C1GALT1: variants seen among roughly 807,000 people sequenced by gnomAD.
The protein encoded by C1GALT1 is core 1 synthase, glycoprotein-N-acetylgalactosamine 3-beta-galactosyltransferase 1.
C1GALT1 carries 11 observed loss-of-function variants against 31.0 expected under a neutral mutation model. The ratio of observed to expected loss-of-function variants is 0.36; its 90% CI spans 0.22 to 0.59. C1GALT1 has a LOEUF of 0.59. C1GALT1 is among the 20% of genes least tolerant of loss of function. The pLI is 0.79. For synonymous variants in C1GALT1, 175 were observed against 143.6 expected (o/e 1.22, Z -1.56); for missense variants, 424 against 425.2 (o/e 1.00, Z 0.03).
At chr7:7,224,967 C>T (rs1311196294) in intron 1 of C1GALT1, among the ~76,000 whole-genome samples, 2 of 152,258 alleles carry the variant, frequency 1.3e-5, no homozygotes, top group African/African-American at 4.8e-5. Flanking sequence ...CCTCTTCCCT[C>T]CCTCCAGTCT....
chr7:7,164,776 T>C (rs1046506140), intron 2 of C1GALT1, among the ~76,000 whole-genome samples: 1 of 152,136 alleles, frequency 6.6e-6, no homozygotes, highest in Admixed American at 6.6e-5. Context: ...TTAAGTTGTT[T>C]GCACCTGAGG....
intron 1 of C1GALT1, among the ~76,000 whole-genome samples, chr7:7,218,964 GCTGGGAC>G (rs2128241607): frequency 6.6e-6 from 1 of 151,988 alleles, no homozygotes; most frequent in East Asian, 1.9e-4. Context: ...CTCCTGAGTA[GCTGGGAC>G]TACAGGCGCC....
At chr7:7,243,502 C>G in intron 3 of C1GALT1, 22 bp from the exon 4 acceptor site, 1 of 1,557,414 alleles carries the variant, frequency 6.4e-7, no homozygotes, top group East Asian at 2.3e-5. Context: ...ATTAACAATA[C>G]CTGTTTCCAC....
intron 1 of C1GALT1, among the ~76,000 whole-genome samples, chr7:7,218,811 G>A (rs1472447970): frequency 1.3e-5 from 2 of 151,826 alleles, no homozygotes; most frequent in African/African-American, 4.8e-5. Flanking sequence ...AAATCAAATT[G>A]GTATACATCT....
intron 3 of C1GALT1, among the ~76,000 whole-genome samples, chr7:7,239,713 A>G (rs1427669544): frequency 1.3e-5 from 2 of 151,596 alleles, no homozygotes; most frequent in Non-Finnish European, 2.9e-5. Context: ...AGTAGTACAA[A>G]TATTTCAGAA....
intron 1 of C1GALT1, among the ~76,000 whole-genome samples, chr7:7,217,920 G>T (rs1038934931): frequency 5.3e-5 from 8 of 152,104 alleles, no homozygotes; most frequent in African/African-American, 1.9e-4. Flanking sequence ...CCTCCCTGCC[G>T]CAAAAAGCTA....
intron 2 of C1GALT1, among the ~76,000 whole-genome samples, chr7:7,172,488 ATATT>A (rs1172437194): frequency 6.6e-6 from 1 of 152,150 alleles, no homozygotes; most frequent in African/African-American, 2.4e-5. Context: ...GTAGGTTACT[ATATT>A]TAATAAAATT....
At chr7:7,186,624 T>C (rs1043084091) in intron 1 of C1GALT1, among the ~76,000 whole-genome samples, 2 of 152,180 alleles carry the variant, frequency 1.3e-5, no homozygotes, top group African/African-American at 4.8e-5. Context: ...TAATAGGTGC[T>C]GTGGGTAAGC....
Position 7,242,871 on chromosome 7 carries a change from A to G in C1GALT1, c.889-653A>G, listed in dbSNP as rs541074298. Among the ~76,000 whole-genome samples the G allele has an allele frequency of 7.2e-5, 11 of 152,250 alleles. No individual in the cohort carries two copies. In the South Asian group the frequency reaches 2.3e-3, roughly 32 times the overall value. On this transcript the variant is annotated intron_variant, in intron 3 of 3. Transcript: ENST00000436587. ...ATTTATTGGGCATTTATTTTAAGCA[A>G]AGGGTAATTTACACACATTGTCTCC...
At chr7:7,175,679 T>C (rs1780498447) in intron 2 of C1GALT1, among the ~76,000 whole-genome samples, 1 of 152,204 alleles carries the variant, frequency 6.6e-6, no homozygotes, top group Non-Finnish European at 1.5e-5. Context: ...CTTGTATTAG[T>C]CTGCTTGGGC....
In C1GALT1 at chr7:7,248,393, A is replaced by G. The variant is rs1223791153; in HGVS notation, c.*4666A>G. On this transcript the variant is annotated 3_prime_UTR_variant, in exon 4 of 4. Transcript: ENST00000436587. ...TTAGAGGGAAACTAATCTTACTGCT[A>G]AGCAGTGTGTTGTACTACATAGTGA... 6.6e-6 allele frequency: 1 copy of G among 152,024 alleles called. No individual in the cohort carries two copies. The highest frequency in any genetic ancestry group is 1.5e-5 in the Non-Finnish European group (1 of 67,868). 9.4% of individuals were successfully genotyped at this position (152,024 alleles called of 1,614,324 possible).
chr7:7,232,014 C>G (rs1783097002), intron 1 of C1GALT1, among the ~76,000 whole-genome samples: 1 of 152,146 alleles, frequency 6.6e-6, no homozygotes, highest in African/African-American at 2.4e-5. Flanking sequence ...TTTTCAGGAC[C>G]TCTTCTCCTA....
chr7:7,201,524 T>G (rs539554455), intron 1 of C1GALT1, among the ~76,000 whole-genome samples: 1 of 152,302 alleles, frequency 6.6e-6, no homozygotes, highest in South Asian at 2.1e-4. Flanking sequence ...ACTGCTCTCA[T>G]GAAAGCTGTC....
intron 1 of C1GALT1, among the ~76,000 whole-genome samples, chr7:7,230,446 G>A (rs1783017585): frequency 6.6e-6 from 1 of 151,836 alleles, no homozygotes; most frequent in Non-Finnish European, 1.5e-5. Flanking sequence ...TATTTAATAT[G>A]TGTCTCTTGT....
intron 1 of C1GALT1, chr7:7,183,685 C>A (rs76046429): frequency 2.5e-6 from 2 of 796,904 alleles, no homozygotes; most frequent in Admixed American, 6.3e-5. Context: ...CCCCACCACC[C>A]CGCATTTAAA....
chr7:7,232,634 C>G (rs1323657094), intron 1 of C1GALT1, among the ~76,000 whole-genome samples: 1 of 152,056 alleles, frequency 6.6e-6, no homozygotes, highest in Non-Finnish European at 1.5e-5. Context: ...GGATTACAGG[C>G]ACGTACCACA....
At chr7:7,237,249 C>G (rs1783404352) in intron 2 of C1GALT1, among the ~76,000 whole-genome samples, 1 of 152,198 alleles carries the variant, frequency 6.6e-6, no homozygotes, top group African/African-American at 2.4e-5. Context: ...AAGTACTCAT[C>G]TAGAATCTCA....
intron 1 of C1GALT1, among the ~76,000 whole-genome samples, chr7:7,218,736 A>G (rs1186995856): frequency 6.6e-6 from 1 of 152,242 alleles, no homozygotes; most frequent in Admixed American, 6.5e-5. Context: ...ACAATATTTA[A>G]CATTTGGAAA....
At chr7:7,190,250 C>G (rs1382647892) in intron 1 of C1GALT1, among the ~76,000 whole-genome samples, 4 of 152,130 alleles carry the variant, frequency 2.6e-5, no homozygotes, top group African/African-American at 4.8e-5. Flanking sequence ...GACTGTGTGT[C>G]AAGGGTTAAT....
Sources: allele counts gnomAD v4.1 joint callset (sites outside exome capture counted in the v4.1 genomes callset), GRCh38; gene constraint gnomAD v4.1.1; transcripts MANE v1.5; gene names NCBI Gene and HGNC (gene_info 2026-07-23, HGNC 2026-07-21).